BMP1: variants seen among roughly 807,000 people sequenced by gnomAD.
The protein encoded by BMP1 is mammalian tolloid protein.
Under a neutral mutation model 116.8 loss-of-function variants are expected in BMP1, and 63 were observed. The observed-to-expected ratio is 0.54, with a 90% CI of 0.44 to 0.67. The LOEUF is 0.67. Ranked by LOEUF, BMP1 falls within the 30% of genes least tolerant of loss-of-function variation. The pLI is 0.00. For missense variants in BMP1, 1,183 were observed against 1,358.9 expected (o/e 0.87, Z 2.04); for synonymous variants, 536 against 533.4 (o/e 1.00, Z -0.07).
At chr8:22,180,788 C>T (rs149829209) in intron 8 of BMP1, among the ~76,000 whole-genome samples, 16 of 152,292 alleles carry the variant, frequency 1.1e-4, no homozygotes, top group African/African-American at 3.1e-4. Context: ...TTAGTTTTTA[C>T]GGCTACCTCC....
chr8:22,211,867 T>C lies in BMP1; in HGVS notation c.*139T>C, dbSNP rs983024897. 20 of 1,319,982 alleles carry C rather than the reference T, an allele frequency of 1.5e-5. No individual in the cohort carries two copies. The highest frequency in any genetic ancestry group is 2.7e-5 in the South Asian group (2 of 73,074). 81.8% of individuals were successfully genotyped at this position (1,319,982 alleles called of 1,614,324 possible). The stretch of plus-strand genomic sequence containing the variant: ...TGCAGGGCCAATGGCCTGGTGAGAC[T>C]GTCCATAGGAGGTGGGGGAACTGGA... On this transcript the variant is annotated 3_prime_UTR_variant, in exon 20 of 20. Coordinates refer to ENST00000306385, the MANE Select transcript of BMP1 (RefSeq NM_006129.5).
intron 1 of BMP1, among the ~76,000 whole-genome samples, chr8:22,169,068 C>T (rs921732821): frequency 1.3e-5 from 2 of 151,694 alleles, no homozygotes; most frequent in Admixed American, 1.3e-4. Context: ...ACTTGGGAGG[C>T]TTAGCTGGGA....
intron 8 of BMP1, among the ~76,000 whole-genome samples, chr8:22,189,900 T>C (rs959812009): frequency 3.9e-5 from 6 of 152,136 alleles, no homozygotes; most frequent in Non-Finnish European, 7.4e-5. Flanking sequence ...AAGAGTAATA[T>C]ATAGTGTGCT....
At chr8:22,174,609 TTTC>T (rs1828377243) in intron 2 of BMP1, among the ~76,000 whole-genome samples, 2 of 151,072 alleles carry the variant, frequency 1.3e-5, no homozygotes, top group Admixed American at 1.3e-4. Flanking sequence ...GCAGGGATTC[TTTC>T]TTCTTTTTTT....
chr8:22,207,293 A>T lies in BMP1; in HGVS notation c.2362-10A>T, dbSNP rs1829379449. On this transcript the variant is annotated splice_polypyrimidine_tract_variant and intron_variant, in intron 17 of 19. Coordinates refer to ENST00000306385, the MANE Select transcript of BMP1 (RefSeq NM_006129.5). The stretch of plus-strand genomic sequence containing the variant: ...AATTTTTAATCTGTGCTCCTTCCTC[A>T]TCCCCCTAGACCTTCATGGAGATGG... The T allele has an allele frequency of 3.1e-6, 5 of 1,603,998 alleles. No individual in the cohort carries two copies. Among genetic ancestry groups the T allele is most frequent in the Non-Finnish European group, 4.3e-6 (5 of 1,171,608 alleles).
intron 16 of BMP1, 34 bp from the exon 17 acceptor site, chr8:22,206,820 T>C (rs1167407004): frequency 6.2e-7 from 1 of 1,613,722 alleles, no homozygotes; most frequent in South Asian, 1.1e-5. Context: ...TTGGGGTCCC[T>C]CTCTATCCCC....
chr8:22,192,227 C>G (rs1396309016), intron 9 of BMP1, 76 bp downstream of exon 9: 3 of 1,305,216 alleles, frequency 2.3e-6, no homozygotes, highest in East Asian at 2.3e-5. Context: ...CTCTTCATCC[C>G]CCTCCAGGGC....
chr8:22,209,887 C>T (rs1472040298), intron 19 of BMP1, among the ~76,000 whole-genome samples, 192 bp downstream of exon 19: 1 of 152,266 alleles, frequency 6.6e-6, no homozygotes, highest in Non-Finnish European at 1.5e-5. Flanking sequence ...TGCCCCATCC[C>T]CGACGTAGGA....
At chr8:22,198,916 G>A in intron 15 of BMP1, 1 of 1,208,154 alleles carries the variant, frequency 8.3e-7, no homozygotes, top group Non-Finnish European at 1.1e-6. Flanking sequence ...CCTAAGAGGT[G>A]CTCACCAGAG....
intron 5 of BMP1, chr8:22,177,519 T>A (rs766636812): frequency 1.4e-6 from 1 of 713,348 alleles, no homozygotes; most frequent in Non-Finnish European, 2.6e-6. Context: ...TTCTCTCATT[T>A]TCTCGATGTC....
intron 8 of BMP1, among the ~76,000 whole-genome samples, chr8:22,189,340 C>T (rs76370759): frequency 0.027 from 4,135 of 151,994 alleles, 204 homozygotes; most frequent in African/African-American, 0.093. Context: ...CATGCCAGCA[C>T]TCAGTCATTT....
At chr8:22,176,098 T>C (rs999425853) in intron 2 of BMP1, 45 bp from the exon 3 acceptor site, 91 of 1,592,424 alleles carry the variant, frequency 5.7e-5, no homozygotes, top group Non-Finnish European at 7.7e-5. Flanking sequence ...TTTGCTTTCC[T>C]CCTCTTTCTC....
chr8:22,187,862 T>A (rs1233356750), intron 8 of BMP1, among the ~76,000 whole-genome samples: 1 of 152,066 alleles, frequency 6.6e-6, no homozygotes, highest in Non-Finnish European at 1.5e-5. Flanking sequence ...CTCCCCTAAG[T>A]CTTGGGAGGC....
chr8:22,167,600 C>G (rs796519382), intron 1 of BMP1, among the ~76,000 whole-genome samples: 82 of 152,270 alleles, frequency 5.4e-4, no homozygotes, highest in African/African-American at 1.8e-3. Context: ...TCCCCCCAGT[C>G]TCAGGTTTCA....
At chr8:22,210,654 C>A (rs1055707642) in intron 19 of BMP1, among the ~76,000 whole-genome samples, 1 of 152,218 alleles carries the variant, frequency 6.6e-6, no homozygotes, top group Non-Finnish European at 1.5e-5. Context: ...TGAACCTCCC[C>A]CAGGAGCAGA....
In BMP1 at chr8:22,206,906, C is replaced by T. The variant is rs1379720921; in HGVS notation, c.2286C>T (p.Asn762=). The part of the protein sequence containing the change: ...TSTSGTITSP[N]WPDKYPSKKE... ...CCAGTGGTACCATCACCAGCCCCAA[C>T]TGGCCTGACAAGTATCCCAGCAAGA... is the stretch of plus-strand genomic sequence containing the variant. Residue 762 remains asparagine, a synonymous_variant, in exon 17 of 20, where the codon AAC becomes AAT. Coordinates refer to ENST00000306385, the MANE Select transcript of BMP1 (RefSeq NM_006129.5). 10 of 1,614,232 alleles carry T rather than the reference C, an allele frequency of 6.2e-6. No homozygotes were observed. Among genetic ancestry groups the T allele is most frequent in the Non-Finnish European group, 8.5e-6 (10 of 1,180,038 alleles).
intron 15 of BMP1, chr8:22,199,335 G>A (rs1183611948): frequency 7.4e-7 from 1 of 1,348,272 alleles, no homozygotes; most frequent in South Asian, 1.2e-5. Context: ...GAAAGAGCCT[G>A]AAGACCTTCA....
chr8:22,204,019 A>C (rs1391477610), intron 16 of BMP1, among the ~76,000 whole-genome samples: 2 of 152,230 alleles, frequency 1.3e-5, no homozygotes, highest in African/African-American at 2.4e-5. Flanking sequence ...TGATAGGTTA[A>C]TTACAGATCT....
At chr8:22,197,158 A>G in intron 14 of BMP1, 82 bp from the exon 15 acceptor site, 1 of 1,528,086 alleles carries the variant, frequency 6.5e-7, no homozygotes, top group African/African-American at 1.4e-5. Context: ...AAGGATGTGC[A>G]GAACAGAGAG....
Sources: gnomAD v4.1 joint callset for allele counts (sites outside exome capture counted in the v4.1 genomes callset) on GRCh38, gnomAD v4.1.1 for gene constraint, MANE v1.5 for transcripts, NCBI Gene and HGNC (gene_info 2026-07-23, HGNC 2026-07-21) for gene names.